Variants in CERT1 observed in about 807,000 individuals in gnomAD.
CERT1 encodes the protein ceramide transfer protein.
In CERT1, 31 loss-of-function variants were observed where a neutral mutation model predicts 87.9. The ratio of observed to expected loss-of-function variants is 0.35; its 90% CI spans 0.27 to 0.48. The LOEUF (loss-of-function observed/expected upper bound fraction) is 0.48, where lower values mean the gene tolerates loss of function less well. Among genes scored for constraint, CERT1 ranks in the 20% least tolerant of loss-of-function variants. The pLI is 0.99. For missense variants in CERT1, 487 were observed against 758.0 expected (o/e 0.64, Z 4.20); for synonymous variants, 289 against 250.9 (o/e 1.15, Z -1.44).
chr5:75,424,649 GGAGAAA>G (rs955094469), intron 5 of CERT1, among the ~76,000 whole-genome samples: 3 of 151,482 alleles, frequency 2.0e-5, no homozygotes, highest in Non-Finnish European at 2.9e-5. Context: ...GAAATGAGAG[GGAGAAA>G]GAGAAAGAGA....
chr5:75,511,633 C>CTCCCCTCCCCTGTCCTT, upstream of CERT1: 1 of 1,486,010 alleles, frequency 6.7e-7, no homozygotes, highest in Non-Finnish European at 9.0e-7. Context: ...ACTATTTACC[C>CTCCCCTCCCCTGTCCTT]TCCCCTCCCC....
intron 3 of CERT1, among the ~76,000 whole-genome samples, chr5:75,428,737 C>CA (rs756312846): frequency 6.0e-5 from 9 of 150,558 alleles, no homozygotes; most frequent in Non-Finnish European, 1.2e-4. Context: ...AAGAAAGAAA[C>CA]AAGCTGTCAT....
Position 75,505,911 on chromosome 5 carries a change from C to T in CERT1, c.231+71G>A, listed in dbSNP as rs35294062. The T allele has an allele frequency of 8.3e-3, 10,123 of 1,213,162 alleles. 135 individuals carry two copies. The highest frequency in any genetic ancestry group is 0.061 in the East Asian group (2,590 of 42,514). The allele number at this position is 1,213,162 out of a possible 1,614,324, so 75.1% of individuals were successfully genotyped here. Reference sequence around the variant, plus strand: ...CTTATCCACGGATGTATCCTGAACACGTAGAACAGTTCCTGGTATGTAGCT... The same window carrying T: ...CTTATCCACGGATGTATCCTGAACATGTAGAACAGTTCCTGGTATGTAGCT... On this transcript the variant is annotated intron_variant, in intron 2 of 16. Transcript: ENST00000643780.
intron 2 of CERT1, among the ~76,000 whole-genome samples, chr5:75,481,034 C>G (rs1332528657): frequency 6.6e-6 from 1 of 152,172 alleles, no homozygotes; most frequent in Non-Finnish European, 1.5e-5. Flanking sequence ...CAAATCACTC[C>G]TCTGCTCAAA....
chr5:75,439,739 C>A (rs993298405), intron 3 of CERT1, among the ~76,000 whole-genome samples: 2 of 151,950 alleles, frequency 1.3e-5, no homozygotes, highest in African/African-American at 4.8e-5. Context: ...ACATGAGGAG[C>A]CAGATACAAT....
intron 2 of CERT1, among the ~76,000 whole-genome samples, chr5:75,480,558 G>C (rs1056147922): frequency 6.6e-6 from 1 of 152,198 alleles, no homozygotes; most frequent in Admixed American, 6.5e-5. Flanking sequence ...ACGCATACGT[G>C]TGCATGCATA....
chr5:75,506,084 A>G lies in CERT1; in HGVS notation c.129T>C (p.Arg43=), dbSNP rs1333069312. 6.2e-7 allele frequency: 1 copy of G among 1,612,892 alleles called. No individual in the cohort carries two copies. Among genetic ancestry groups the G allele is most frequent in the African/African-American group, 1.3e-5 (1 of 74,986 alleles). Residue 43 remains arginine (R), a synonymous_variant, in exon 2 of 17, where the codon CGT becomes CGC. Coordinates refer to ENST00000643780, the MANE Select transcript of CERT1 (RefSeq NM_001379029.1). The stretch of plus-strand genomic sequence containing the variant: ...GAGCATTATTTTTCAAAACTACCCA[A>G]CGATCCTGCCACCCATGAATGTAGT... The part of the protein sequence containing the change: ...WTNYIHGWQD[R]WVVLKNNALS...
chr5:75,374,830 T>C (rs920982487), downstream of CERT1: 1 of 520,050 alleles, frequency 1.9e-6, no homozygotes, highest in Admixed American at 2.0e-5. Flanking sequence ...CCTTAAAGAC[T>C]GAAGATGGAC....
At chr5:75,481,322 TAC>T (rs1766232267) in intron 2 of CERT1, among the ~76,000 whole-genome samples, 1 of 152,090 alleles carries the variant, frequency 6.6e-6, no homozygotes, top group South Asian at 2.1e-4. Flanking sequence ...ACTGCCCCAA[TAC>T]ACACACAGTT....
intron 2 of CERT1, among the ~76,000 whole-genome samples, chr5:75,472,807 T>C (rs1765772658): frequency 6.6e-6 from 1 of 152,096 alleles, no homozygotes; most frequent in African/African-American, 2.4e-5. Flanking sequence ...CTCCTACACT[T>C]GTTGGTAATG....
At chr5:75,468,702 T>C (rs1765572204) in intron 2 of CERT1, among the ~76,000 whole-genome samples, 1 of 152,182 alleles carries the variant, frequency 6.6e-6, no homozygotes, top group African/African-American at 2.4e-5. Context: ...TCTATTGTTA[T>C]ACTGACCATG....
At chr5:75,410,827 A>C in intron 8 of CERT1, 184 bp downstream of exon 8, 1 of 382,718 alleles carries the variant, frequency 2.6e-6, no homozygotes, top group Non-Finnish European at 4.6e-6. Context: ...GTAGGCAATA[A>C]GAAATATATA....
chr5:75,393,040 A>C (rs1358523905), intron 11 of CERT1, among the ~76,000 whole-genome samples: 1 of 150,592 alleles, frequency 6.6e-6, no homozygotes, highest in Non-Finnish European at 1.5e-5. Flanking sequence ...TAAAAAAAAA[A>C]CAAAAACAAA....
downstream of CERT1, chr5:75,376,935 CTA>C (rs1230214007): frequency 1.3e-5 from 2 of 151,992 alleles, no homozygotes; most frequent in African/African-American, 2.4e-5. Flanking sequence ...ATATAATTGA[CTA>C]TTATTTTTAG....
intron 2 of CERT1, among the ~76,000 whole-genome samples, chr5:75,491,353 T>G (rs558242045): frequency 4.1e-4 from 62 of 152,292 alleles, no homozygotes; most frequent in African/African-American, 1.5e-3. Flanking sequence ...AGAACTCTTT[T>G]GTTTTCCTTT....
At chr5:75,390,749 T>G (rs1386340849) in intron 11 of CERT1, among the ~76,000 whole-genome samples, 1 of 152,212 alleles carries the variant, frequency 6.6e-6, no homozygotes, top group African/African-American at 2.4e-5. Flanking sequence ...TCTATTCTGT[T>G]CATTAGGAAT....
chr5:75,424,230 C>T (rs937903406), intron 5 of CERT1, among the ~76,000 whole-genome samples: 10 of 152,058 alleles, frequency 6.6e-5, no homozygotes, highest in African/African-American at 2.4e-4. Flanking sequence ...ATTATTACTT[C>T]CATTTCTATT....
At chr5:75,427,070 C>T (rs548628196) in intron 3 of CERT1, among the ~76,000 whole-genome samples, 38 of 152,220 alleles carry the variant, frequency 2.5e-4, no homozygotes, top group Non-Finnish European at 4.3e-4. Flanking sequence ...GTAACCACCT[C>T]GACAGTTCAT....
chr5:75,417,365 A>G (rs1009372770), intron 6 of CERT1, among the ~76,000 whole-genome samples: 2 of 152,174 alleles, frequency 1.3e-5, no homozygotes, highest in Non-Finnish European at 2.9e-5. Flanking sequence ...TATGGCAAGA[A>G]CTACCTTATT....
Sources: allele counts gnomAD v4.1 joint callset (sites outside exome capture counted in the v4.1 genomes callset), GRCh38; gene constraint gnomAD v4.1.1; transcripts MANE v1.5; gene names NCBI Gene and HGNC (gene_info 2026-07-23, HGNC 2026-07-21).